The following GRM4 variants were observed in gnomAD, a reference collection of about 807,000 sequenced individuals.
GRM4 encodes metabotropic glutamate receptor 4.
GRM4 carries 28 observed loss-of-function variants against 81.7 expected under a neutral mutation model. The ratio of observed to expected loss-of-function variants is 0.34; its 90% CI spans 0.25 to 0.47. The LOEUF (loss-of-function observed/expected upper bound fraction) is 0.47. GRM4 is among the 20% of genes least tolerant of loss of function. The pLI is 1.00. For synonymous variants in GRM4, 488 were observed against 528.8 expected (o/e 0.92, Z 1.06); for missense variants, 948 against 1,290.0 (o/e 0.73, Z 4.06).
rs1261602757 is a variant in GRM4, at chr6:34,089,043, A to C, written c.736+2840T>G. 2.0e-5 allele frequency among the ~76,000 whole-genome samples: 3 copies of C among 151,472 alleles called. No individual in the cohort carries two copies. The highest frequency in any genetic ancestry group is 2.9e-5 in the Non-Finnish European group (2 of 67,890). On this transcript the variant is annotated intron_variant, in intron 3 of 10. Transcript: ENST00000538487. This position sits in a 1 kb window ranked among gnomAD's most constrained non-coding sequence, Gnocchi z 4.3. ...CTCTGTGGCCTTGGGAAAGTGACCCACCCCCTCTGGCCTCCATTTCCCCAT... is the reference window on the plus strand; with the variant it reads ...CTCTGTGGCCTTGGGAAAGTGACCCCCCCCCTCTGGCCTCCATTTCCCCAT...
intron 3 of GRM4, among the ~76,000 whole-genome samples, chr6:34,081,678 C>T (rs563428783): frequency 2.0e-5 from 3 of 152,318 alleles, no homozygotes; most frequent in East Asian, 3.9e-4. Flanking sequence ...TGGACATCCC[C>T]GCCCCAGGGC....
At chr6:34,031,566 A>T (rs1265759424) in intron 9 of GRM4, among the ~76,000 whole-genome samples, 3 of 152,116 alleles carry the variant, frequency 2.0e-5, no homozygotes, top group Non-Finnish European at 4.4e-5. Context: ...AGGAACCAAG[A>T]TCCTCCAAAT....
chr6:34,126,015 G>A (rs888010484), intron 2 of GRM4, among the ~76,000 whole-genome samples: 4 of 152,164 alleles, frequency 2.6e-5, no homozygotes, highest in Admixed American at 2.6e-4. Flanking sequence ...GCACATTATC[G>A]CTTCTGCCAG....
rs1565355 is a variant in GRM4, at chr6:34,078,196, C to T, written c.736+13687G>A. Among the ~76,000 whole-genome samples the T allele has an allele frequency of 0.17, 25,840 of 152,040 alleles. 2,917 individuals are homozygous for T. The highest frequency in any genetic ancestry group is 0.31 in the African/African-American group (12,851 of 41,408). ...AACATTTGACCTATTGTCCGGAAGG[C>T]TCCCGGACCCATCTCCAGCTCCTGT... On this transcript the variant is annotated intron_variant, in intron 3 of 10. Coordinates refer to ENST00000538487, the MANE Select transcript of GRM4 (RefSeq NM_000841.4). The surrounding 1 kb of genome is among the most constrained non-coding windows in gnomAD (Gnocchi z 4.8).
intron 1 of GRM4, among the ~76,000 whole-genome samples, chr6:34,142,818 G>C (rs1448625156): frequency 2.0e-5 from 3 of 152,216 alleles, no homozygotes; most frequent in Non-Finnish European, 4.4e-5. Context: ...TGGGGGAGGA[G>C]GGAGGAGGGG....
rs1230577894 is a variant in GRM4 at position 34,092,778 on chromosome 6, G to A, written c.520-679C>T. On this transcript the variant is annotated intron_variant, in intron 2 of 10. Coordinates refer to ENST00000538487, the MANE Select transcript of GRM4 (RefSeq NM_000841.4). This position sits in a 1 kb window ranked among gnomAD's most constrained non-coding sequence, Gnocchi z 6.8. ...CAAGGCAGAGCCGACCCGGGGCCCTGCCCCAGCCCCGGGGCTTTCCAGTCA... is the reference window on the plus strand; with the variant it reads ...CAAGGCAGAGCCGACCCGGGGCCCTACCCCAGCCCCGGGGCTTTCCAGTCA... 6.6e-6 allele frequency among the ~76,000 whole-genome samples: 1 copy of A among 151,956 alleles called. No individual in the cohort carries two copies. The highest frequency in any genetic ancestry group is 1.5e-5 in the Non-Finnish European group (1 of 67,920).
At position 34,121,009 on chromosome 6, in the gene GRM4, T is replaced by C. The variant is rs1168610377; in HGVS notation, c.519+11969A>G. Among the ~76,000 whole-genome samples the C allele has an allele frequency of 6.6e-6, 1 of 152,172 alleles. No individual in the cohort carries two copies. The highest frequency in any genetic ancestry group is 1.9e-4 in the East Asian group (1 of 5,192). On this transcript the variant is annotated intron_variant, in intron 2 of 10. Coordinates refer to ENST00000538487, the MANE Select transcript of GRM4 (RefSeq NM_000841.4). The surrounding 1 kb of genome is among the most constrained non-coding windows in gnomAD (Gnocchi z 4.6). ...TTATCCTCTATAATTTTCCATATGT[T>C]TTAAATCATTTATTAAGATACGTGC...
intron 8 of GRM4, among the ~76,000 whole-genome samples, chr6:34,037,013 T>C (rs3778063): frequency 0.33 from 50,675 of 152,018 alleles, 10,293 homozygotes; most frequent in Non-Finnish European, 0.45. Context: ...CAGGAGCTTG[T>C]TGGAAAGGCA....
chr6:34,120,085 G>GT (rs1461464287), intron 2 of GRM4, among the ~76,000 whole-genome samples: 2 of 152,198 alleles, frequency 1.3e-5, no homozygotes, highest in African/African-American at 4.8e-5. Flanking sequence ...CATTCAAACA[G>GT]TAATACCGTA....
intron 6 of GRM4, among the ~76,000 whole-genome samples, chr6:34,045,703 A>G (rs9461949): frequency 0.26 from 39,716 of 152,044 alleles, 6,126 homozygotes; most frequent in African/African-American, 0.43. Context: ...GGTGGCAGTG[A>G]AGAGAAAGGG....
chr6:34,099,522 G>A (rs893808233), intron 2 of GRM4, among the ~76,000 whole-genome samples: 6 of 152,236 alleles, frequency 3.9e-5, no homozygotes, highest in African/African-American at 1.4e-4. Flanking sequence ...GCAGGGGGGT[G>A]CAGGGAGGCA....
Position 34,091,883 on chromosome 6 carries a change from C to G in GRM4, c.736G>C (p.Gly246Arg), listed in dbSNP as rs771657557. 1 of 1,608,654 alleles carries G rather than the reference C, an allele frequency of 6.2e-7. No homozygotes were observed. The highest frequency in any genetic ancestry group is 8.5e-7 in the Non-Finnish European group (1 of 1,175,818). Residue 246 changes from glycine (G) to arginine (R), a missense_variant and splice_region_variant, in exon 3 of 11, where the codon GGG becomes CGG. Physicochemically the swap from Gly to Arg is moderately radical, Grantham distance 125 (BLOSUM62 -2). Coordinates refer to ENST00000538487, the MANE Select transcript of GRM4 (RefSeq NM_000841.4). ...EAFIQKSRED[G>R]GVCIAQSVKI... ...CTCTGCGGCCAGGCGTTTGACTCAC[C>G]GTCCTCACGGGACTTCTGGATGAAG...
chr6:34,066,335 C>A (rs1452296091), intron 3 of GRM4, among the ~76,000 whole-genome samples: 2 of 152,020 alleles, frequency 1.3e-5, no homozygotes, highest in African/African-American at 4.8e-5. Context: ...GGTGTGTTTG[C>A]CCAATGGGAT....
intron 2 of GRM4, among the ~76,000 whole-genome samples, chr6:34,128,360 ACT>A (rs1491137491): frequency 5.8e-5 from 8 of 138,942 alleles, no homozygotes; most frequent in African/African-American, 8.5e-5. Context: ...TTGGACCTTA[ACT>A]CTTTTTTTTT....
rs529997188 is a variant in GRM4, at chr6:34,110,555, C to G, written c.520-18456G>C. ...GCAGAATATCCTCCTTCACACCATC[C>G]ACATCTCTGATTGAATGTCATCTTC... On this transcript the variant is annotated intron_variant, in intron 2 of 10. Transcript: ENST00000538487. 3.2e-5 allele frequency: 19 copies of G among 600,236 alleles called. No homozygotes were observed. The East Asian group carries it at 5.5e-4, about 17-fold the overall frequency. 37.2% of individuals were successfully genotyped at this position (600,236 alleles called of 1,614,324 possible).
At chr6:34,031,798 T>C (rs1764440811) in intron 9 of GRM4, among the ~76,000 whole-genome samples, 1 of 152,200 alleles carries the variant, frequency 6.6e-6, no homozygotes. Flanking sequence ...TGACAGCACC[T>C]GAACCCTGGG....
intron 6 of GRM4, chr6:34,055,225 A>T (rs1333566894): frequency 1.3e-5 from 2 of 152,152 alleles, no homozygotes; most frequent in East Asian, 3.8e-4. Flanking sequence ...CACATAAGAC[A>T]CAGGCACACA....
At chr6:34,031,756 C>A (rs994443874) in intron 9 of GRM4, among the ~76,000 whole-genome samples, 13 of 152,352 alleles carry the variant, frequency 8.5e-5, no homozygotes, top group African/African-American at 3.1e-4. Flanking sequence ...CAGCCGCCTG[C>A]TCACCAGAGT....
rs1763837255 is a variant in GRM4 at position 34,020,619 on chromosome 6, G to A, written c.*2202C>T. ...CTGCCTGACCGGGCTGGAGCACTGG[G>A]TGGAATCTTTCCTGGGCAGAGGTCT... is the stretch of plus-strand genomic sequence containing the variant. On this transcript the variant is annotated 3_prime_UTR_variant, in exon 11 of 11. Transcript: ENST00000538487. 3 of 151,650 alleles carry A rather than the reference G, an allele frequency of 2.0e-5. No homozygotes were observed. The highest frequency in any genetic ancestry group is 4.4e-5 in the Non-Finnish European group (3 of 67,964). 9.4% of individuals were successfully genotyped at this position (151,650 alleles called of 1,614,324 possible). A position where few individuals can be genotyped will look rare whatever the true frequency, so the allele number is the denominator to read the frequency against.
Sources: allele counts gnomAD v4.1 joint callset (sites outside exome capture counted in the v4.1 genomes callset), GRCh38; gene constraint gnomAD v4.1.1; non-coding constraint Gnocchi (gnomAD v3.1); transcripts MANE v1.5; gene names NCBI Gene and HGNC (gene_info 2026-07-23, HGNC 2026-07-21).